Variants in TMEM266 observed in about 807,000 individuals in gnomAD.
TMEM266 encodes the protein transmembrane protein 266.
A neutral mutation model predicts 50.5 loss-of-function variants in TMEM266; 33 were observed. The ratio of observed to expected loss-of-function variants is 0.65; its 90% CI spans 0.50 to 0.87. The LOEUF (loss-of-function observed/expected upper bound fraction) is 0.87. TMEM266 is among the 40% of genes least tolerant of loss of function. The pLI, the probability that TMEM266 is intolerant of heterozygous loss-of-function variation, is 0.00. For synonymous variants in TMEM266, 310 were observed against 292.3 expected (o/e 1.06, Z -0.62); for missense variants, 655 against 695.1 (o/e 0.94, Z 0.65).
chr15:76,099,160 G>A (rs2036962616), intron 1 of TMEM266, among the ~76,000 whole-genome samples: 1 of 152,226 alleles, frequency 6.6e-6, no homozygotes, highest in Non-Finnish European at 1.5e-5. Context: ...CTAGTTTGGT[G>A]TCTGCCCAAG....
chr15:76,126,401 A>G (rs1314020457), intron 1 of TMEM266, among the ~76,000 whole-genome samples: 2 of 144,686 alleles, frequency 1.4e-5, no homozygotes, highest in Non-Finnish European at 3.0e-5. Flanking sequence ...ATATATATAT[A>G]GTGGAATATT....
intron 8 of TMEM266, among the ~76,000 whole-genome samples, chr15:76,177,342 G>A (rs1353472107): frequency 1.3e-5 from 2 of 152,206 alleles, no homozygotes; most frequent in Admixed American, 6.5e-5. Context: ...ATTCTGTTGC[G>A]GGTCTTGGTA....
intron 8 of TMEM266, among the ~76,000 whole-genome samples, chr15:76,190,649 A>G (rs2038554163): frequency 6.6e-6 from 1 of 152,206 alleles, no homozygotes; most frequent in Admixed American, 6.5e-5. Context: ...TTTTGGCTCC[A>G]GCTAAAATGA....
chr15:76,200,562 G>A (rs752164949), intron 9 of TMEM266, among the ~76,000 whole-genome samples: 4 of 152,334 alleles, frequency 2.6e-5, no homozygotes, highest in African/African-American at 9.6e-5. Flanking sequence ...CTTTAGCTGA[G>A]CTCATTGTCC....
chr15:76,195,559 T>G (rs1240015748), intron 9 of TMEM266, among the ~76,000 whole-genome samples: 1 of 152,358 alleles, frequency 6.6e-6, no homozygotes, highest in Middle Eastern at 3.4e-3. Flanking sequence ...AGGAGCAGAT[T>G]TACCATCTCA....
chr15:76,069,857 T>G (rs117641888), intron 1 of TMEM266, among the ~76,000 whole-genome samples: 1,789 of 152,112 alleles, frequency 0.012, 18 homozygotes, highest in Middle Eastern at 0.02. Context: ...CTGAGAAACT[T>G]CAGCAGTAAT....
intron 8 of TMEM266, among the ~76,000 whole-genome samples, chr15:76,189,071 C>A (rs1044443238): frequency 6.6e-6 from 1 of 151,976 alleles, no homozygotes; most frequent in Non-Finnish European, 1.5e-5. Context: ...ATGTGCCTGT[C>A]GTCCCAGTTA....
At chr15:76,060,211 C>T (rs937447731) in intron 1 of TMEM266, among the ~76,000 whole-genome samples, 195 bp downstream of exon 1, 10 of 152,104 alleles carry the variant, frequency 6.6e-5, no homozygotes, top group Admixed American at 1.3e-4. Context: ...CCCAGGGCTT[C>T]AGCTCCAGCC....
chr15:76,071,418 T>A (rs778690057), intron 1 of TMEM266, among the ~76,000 whole-genome samples: 4 of 152,094 alleles, frequency 2.6e-5, no homozygotes, highest in Non-Finnish European at 4.4e-5. Context: ...CAAGGAGAGT[T>A]GAGTCACTGG....
chr15:76,199,243 G>A (rs2038702401), intron 9 of TMEM266, among the ~76,000 whole-genome samples: 1 of 152,238 alleles, frequency 6.6e-6, no homozygotes, highest in Non-Finnish European at 1.5e-5. Flanking sequence ...GACATGTTGA[G>A]TCAGAGGTAG....
At chr15:76,066,516 C>T (rs974781277) in intron 1 of TMEM266, among the ~76,000 whole-genome samples, 2 of 152,022 alleles carry the variant, frequency 1.3e-5, no homozygotes, top group African/African-American at 2.4e-5. Context: ...ATCTATCAAC[C>T]CTTCAGACCT....
intron 3 of TMEM266, among the ~76,000 whole-genome samples, chr15:76,152,355 G>A (rs765518890): frequency 7.2e-5 from 11 of 152,228 alleles, no homozygotes; most frequent in Non-Finnish European, 1.2e-4. Context: ...CTGAGCTGGC[G>A]TGAGAATGAA....
At chr15:76,096,396 C>G (rs1007019606) in intron 1 of TMEM266, among the ~76,000 whole-genome samples, 3 of 151,984 alleles carry the variant, frequency 2.0e-5, no homozygotes, top group African/African-American at 7.2e-5. Context: ...GCAGGTTGTT[C>G]AGTTTCCATG....
At chr15:76,089,328 A>G (rs1156844133) in intron 1 of TMEM266, among the ~76,000 whole-genome samples, 5 of 151,542 alleles carry the variant, frequency 3.3e-5, no homozygotes, top group African/African-American at 1.2e-4. Context: ...AAGTAGCTGG[A>G]TCTACAGGCG....
At chr15:76,100,530 T>A (rs1387334062) in intron 1 of TMEM266, among the ~76,000 whole-genome samples, 1 of 152,216 alleles carries the variant, frequency 6.6e-6, no homozygotes, top group Non-Finnish European at 1.5e-5. Context: ...TTGTCAGATT[T>A]TCCTGGCATA....
intron 1 of TMEM266, among the ~76,000 whole-genome samples, chr15:76,077,761 T>G (rs973964774): frequency 2.0e-5 from 3 of 152,046 alleles, no homozygotes; most frequent in Non-Finnish European, 4.4e-5. Context: ...CTACAAGCCT[T>G]AGAGGGAGCT....
chr15:76,173,477 G>A (rs560048838), intron 7 of TMEM266, among the ~76,000 whole-genome samples: 1 of 152,202 alleles, frequency 6.6e-6, no homozygotes, highest in Non-Finnish European at 1.5e-5. Context: ...CACCAAGGGA[G>A]GTGTCCGTGG....
chr15:76,171,236 G>A, intron 7 of TMEM266, 105 bp downstream of exon 7: 1 of 1,455,858 alleles, frequency 6.9e-7, no homozygotes, highest in South Asian at 1.4e-5. Context: ...CTGGCGTCAG[G>A]ACGGAAGGTG....
Position 76,079,535 on chromosome 15 carries a change from G to A in TMEM266, c.-97+19519G>A, listed in dbSNP as rs184450859. Among the ~76,000 whole-genome samples the A allele has an allele frequency of 4.0e-3, 604 of 150,232 alleles. 5 individuals carry two copies. Among genetic ancestry groups the A allele is most frequent in the African/African-American group, 0.014 (566 of 40,744 alleles). On this transcript the variant is annotated intron_variant, in intron 1 of 10. Coordinates refer to ENST00000388942, the MANE Select transcript of TMEM266 (RefSeq NM_152335.3). ...CTGGGCATGGTGGCTCACGCCTGTA[G>A]TCCCAGAACTTTGGGAGGCTGAGGC...
Sources: gnomAD v4.1 joint callset for allele counts (sites outside exome capture counted in the v4.1 genomes callset) on GRCh38, gnomAD v4.1.1 for gene constraint, MANE v1.5 for transcripts, NCBI Gene and HGNC (gene_info 2026-07-23, HGNC 2026-07-21) for gene names.